The following MYNN variants were observed in gnomAD, a reference collection of about 807,000 sequenced individuals.
MYNN encodes zinc finger and BTB domain-containing protein 31.
MYNN carries 22 observed loss-of-function variants against 57.2 expected under a neutral mutation model. The observed-to-expected ratio is 0.38, with a 90% CI of 0.27 to 0.55. The LOEUF (loss-of-function observed/expected upper bound fraction) is 0.55, where lower values mean the gene tolerates loss of function less well. MYNN is among the 20% of genes least tolerant of loss of function. MYNN has a pLI of 0.71. For synonymous variants in MYNN, 241 were observed against 257.1 expected, an observed-to-expected ratio of 0.94 and a Z score of 0.60; for missense variants, 566 against 723.1, an observed-to-expected ratio of 0.78 and a Z score of 2.49.
intron 7 of MYNN, among the ~76,000 whole-genome samples, chr3:169,785,513 C>A (rs988848156): frequency 2.6e-5 from 4 of 151,860 alleles, no homozygotes; most frequent in African/African-American, 9.7e-5. Context: ...GCATAATCGA[C>A]ACAAAAGTGC....
chr3:169,776,693 A>ATTT (rs1182282862), intron 2 of MYNN, among the ~76,000 whole-genome samples: 3 of 133,434 alleles, frequency 2.2e-5, no homozygotes, highest in East Asian at 3.0e-4. Context: ...ATGTTGAACA[A>ATTT]ATTTTTTTTT....
rs1164062222 is a variant in MYNN, at chr3:169,788,140, A to C, written c.*1462A>C. ...ATTAATTTTCTCTATTTGGGACCCA[A>C]GTCATAAGAACCAATTAGAGGACAT... On this transcript the variant is annotated 3_prime_UTR_variant, in exon 8 of 8. Transcript: ENST00000349841. 1 of 152,070 alleles carries C rather than the reference A, an allele frequency of 6.6e-6. No homozygotes were observed. The highest frequency in any genetic ancestry group is 2.4e-5 in the African/African-American group (1 of 41,430). 9.4% of individuals were successfully genotyped at this position (152,070 alleles called of 1,614,324 possible). A position where few individuals can be genotyped will look rare whatever the true frequency, so the allele number is the denominator to read the frequency against.
chr3:169,786,771 G>A lies in MYNN; in HGVS notation c.*93G>A. ...TCATATTAAATTCCCATTCATTTGA[G>A]TTGTGACCATTATTTTTCATTCACT... is the stretch of plus-strand genomic sequence containing the variant. On this transcript the variant is annotated 3_prime_UTR_variant, in exon 8 of 8. Transcript: ENST00000349841. The A allele has an allele frequency of 1.6e-6, 2 of 1,279,994 alleles. No individual in the cohort carries two copies. The highest frequency in any genetic ancestry group is 2.1e-6 in the Non-Finnish European group (2 of 930,626). 79.3% of individuals were successfully genotyped at this position (1,279,994 alleles called of 1,614,324 possible). A position where few individuals can be genotyped will look rare whatever the true frequency, so the allele number is the denominator to read the frequency against.
At chr3:169,776,952 T>G (rs1778365805) in intron 2 of MYNN, among the ~76,000 whole-genome samples, 1 of 152,188 alleles carries the variant, frequency 6.6e-6, no homozygotes, top group Non-Finnish European at 1.5e-5. Context: ...TGCGCCCACC[T>G]TGGCCTTACA....
At chr3:169,775,136 C>G (rs1778296278) in intron 2 of MYNN, among the ~76,000 whole-genome samples, 1 of 152,156 alleles carries the variant, frequency 6.6e-6, no homozygotes, top group South Asian at 2.1e-4. Flanking sequence ...CTCCCTCATT[C>G]TGACTCCTGT....
In MYNN at chr3:169,782,723, G is replaced by C. The variant is rs1778556506; in HGVS notation, c.1399+80G>C. The C allele has an allele frequency of 2.6e-6, 3 of 1,162,552 alleles. No individual in the cohort carries two copies. Among genetic ancestry groups the C allele is most frequent in the Non-Finnish European group, 3.7e-6 (3 of 820,112 alleles). 72.0% of individuals were successfully genotyped at this position (1,162,552 alleles called of 1,614,324 possible). A position where few individuals can be genotyped will look rare whatever the true frequency, so the allele number is the denominator to read the frequency against. ...GGGACTTGGGCCTTTTAGCGAAGTA[G>C]ATCGGAAACTTTGTAGTTAGATATC... On this transcript the variant is annotated intron_variant, in intron 5 of 7. Coordinates refer to ENST00000349841, the MANE Select transcript of MYNN (RefSeq NM_018657.5). The surrounding 1 kb of genome is among the most constrained non-coding windows in gnomAD (Gnocchi z 4.8).
rs1448961383 is a variant in MYNN at position 169,788,390 on chromosome 3, C to T, written c.*1712C>T. On this transcript the variant is annotated 3_prime_UTR_variant, in exon 8 of 8. Transcript: ENST00000349841. The stretch of plus-strand genomic sequence containing the variant: ...GTGGGTTTAAATACAATTTACAAAG[C>T]ATTAGAATGTTACCTAATCTCTTCT... 2.0e-5 allele frequency: 3 copies of T among 152,066 alleles called. No individual in the cohort carries two copies. The highest frequency in any genetic ancestry group is 4.4e-5 in the Non-Finnish European group (3 of 67,978). The allele number at this position is 152,066 out of a possible 1,614,324, so 9.4% of individuals were successfully genotyped here.
In MYNN at chr3:169,788,082, T is replaced by C. The variant is rs1358651336; in HGVS notation, c.*1404T>C. On this transcript the variant is annotated 3_prime_UTR_variant, in exon 8 of 8. Coordinates refer to ENST00000349841, the MANE Select transcript of MYNN (RefSeq NM_018657.5). Reference sequence around the variant, plus strand: ...TAAACTACACCTGTAGTACAGTTAATATGTTTTTTATTGGTATTGATTTCT... The same window carrying C: ...TAAACTACACCTGTAGTACAGTTAACATGTTTTTTATTGGTATTGATTTCT... 6.6e-6 allele frequency: 1 copy of C among 152,146 alleles called. No individual in the cohort carries two copies. The highest frequency in any genetic ancestry group is 1.5e-5 in the Non-Finnish European group (1 of 67,996). The allele number at this position is 152,146 out of a possible 1,614,324, so 9.4% of individuals were successfully genotyped here.
Position 169,788,901 on chromosome 3 carries a change from T to C in MYNN, c.*2223T>C, listed in dbSNP as rs145847218. 488 of 152,270 alleles carry C rather than the reference T, an allele frequency of 3.2e-3. 5 individuals are homozygous for C. Among genetic ancestry groups the C allele is most frequent in the African/African-American group, 0.011 (462 of 41,558 alleles). The allele number at this position is 152,270 out of a possible 1,614,324, so 9.4% of individuals were successfully genotyped here. A position where few individuals can be genotyped will look rare whatever the true frequency, so the allele number is the denominator to read the frequency against. On this transcript the variant is annotated 3_prime_UTR_variant, in exon 8 of 8. Transcript: ENST00000349841. Reference sequence around the variant, plus strand: ...CATAATATGCATATATTTAGTTGTATCTGGTATCATTCTAACACTCATAAC... The same window carrying C: ...CATAATATGCATATATTTAGTTGTACCTGGTATCATTCTAACACTCATAAC...
chr3:169,774,074 A>C (rs777353210), intron 1 of MYNN, 191 bp from the exon 2 acceptor site: 175 of 555,486 alleles, frequency 3.2e-4, no homozygotes, highest in Non-Finnish European at 7.1e-5. Flanking sequence ...TGATGTGTCC[A>C]AAGGATTGTG....
At position 169,779,484 on chromosome 3, in the gene MYNN, A is replaced by C. The variant is rs1364126854; in HGVS notation, c.983A>C (p.Lys328Thr). 6.2e-7 allele frequency: 1 copy of C among 1,614,238 alleles called. No individual in the cohort carries two copies. The highest frequency in any genetic ancestry group is 2.2e-5 in the East Asian group (1 of 44,888). The stretch of plus-strand genomic sequence containing the variant: ...CACATGAGAATACATAAAGGAGTCA[A>C]ACCTTACGTCTGCCACTTATGTGGA... ...RRHMRIHKGVKPYVCHLCGKA... is the reference protein window; with the variant it reads ...RRHMRIHKGVTPYVCHLCGKA... The change falls in exon 3 of 8, where the codon AAA (lysine) becomes ACA (threonine). Residue 328 changes from lysine to threonine, a missense_variant. This residue lies in a region of MYNN where 123 missense variants were observed against 222.6 expected (regional missense o/e 0.55). Transcript: ENST00000349841.
intron 2 of MYNN, among the ~76,000 whole-genome samples, chr3:169,776,951 C>A (rs559598118): frequency 6.6e-6 from 1 of 152,128 alleles, no homozygotes; most frequent in African/African-American, 2.4e-5. Flanking sequence ...ATGCGCCCAC[C>A]TTGGCCTTAC....
chr3:169,781,217 G>A (rs77643779), intron 4 of MYNN, among the ~76,000 whole-genome samples: 3,564 of 152,256 alleles, frequency 0.023, 90 homozygotes, highest in African/African-American at 0.062. Flanking sequence ...ATGATTCTGA[G>A]GTTTTGGGCC....
chr3:169,774,554 C>A lies in MYNN; in HGVS notation c.259C>A (p.Leu87Ile). Residue 87 changes from leucine (L) to isoleucine (I), a missense_variant, in exon 2 of 8, where the codon CTT becomes ATT. Physicochemically the swap from Leu to Ile is conservative, Grantham distance 5. Transcript: ENST00000349841. ...LEFIYTGTLN[L>I]DSWNVKEIHQ... ...GTTTATATACACAGGAACTTTAAAT[C>A]TTGACAGGTAAAGTACACATTTTAT... is the stretch of plus-strand genomic sequence containing the variant. The A allele has an allele frequency of 1.2e-6, 2 of 1,610,572 alleles. No individual in the cohort carries two copies. The highest frequency in any genetic ancestry group is 1.7e-6 in the Non-Finnish European group (2 of 1,177,298).
At chr3:169,780,544 C>T in intron 3 of MYNN, 46 bp from the exon 4 acceptor site, 1 of 1,443,222 alleles carries the variant, frequency 6.9e-7, no homozygotes, top group Non-Finnish European at 9.4e-7. Context: ...ACTTATGCAA[C>T]CAAAACACTA....
intron 4 of MYNN, among the ~76,000 whole-genome samples, chr3:169,781,335 T>G (rs375000258): frequency 4.6e-5 from 7 of 152,162 alleles, no homozygotes; most frequent in Non-Finnish European, 1.0e-4. Flanking sequence ...CTGTGTGTGT[T>G]AAATTTGAGA....
intron 6 of MYNN, 54 bp downstream of exon 6, chr3:169,783,614 T>C: frequency 7.9e-7 from 1 of 1,269,208 alleles, no homozygotes; most frequent in South Asian, 1.2e-5. Flanking sequence ...TTTCTTTTTA[T>C]GTAAACCTTG....
At position 169,786,822 on chromosome 3, in the gene MYNN, C is replaced by A; in HGVS notation, c.*144C>A. On this transcript the variant is annotated 3_prime_UTR_variant, in exon 8 of 8. Coordinates refer to ENST00000349841, the MANE Select transcript of MYNN (RefSeq NM_018657.5). ...GAAGTAAAAGCACCTGATGCTGCAT[C>A]ACAACTGCAATGTTTGTTTTTATTT... 1 of 770,790 alleles carries A rather than the reference C, an allele frequency of 1.3e-6. No homozygotes were observed. The highest frequency in any genetic ancestry group is 2.0e-6 in the Non-Finnish European group (1 of 489,600). The allele number at this position is 770,790 out of a possible 1,614,324, so 47.7% of individuals were successfully genotyped here.
intron 2 of MYNN, 26 bp from the exon 3 acceptor site, chr3:169,778,742 T>C: frequency 6.5e-7 from 1 of 1,549,892 alleles, no homozygotes; most frequent in South Asian, 1.3e-5. Context: ...ATCAGAATAT[T>C]GTCATGTAGC....
Sources: allele counts gnomAD v4.1 joint callset (sites outside exome capture counted in the v4.1 genomes callset), GRCh38; gene constraint gnomAD v4.1.1; regional missense constraint gnomAD v4.1.1; non-coding constraint Gnocchi (gnomAD v3.1); transcripts MANE v1.5; gene names NCBI Gene and HGNC (gene_info 2026-07-23, HGNC 2026-07-21).